NPRL3: variants seen among roughly 807,000 people sequenced by gnomAD.
NPRL3 encodes the protein GATOR1 complex protein NPRL3.
A neutral mutation model predicts 57.2 loss-of-function variants in NPRL3; 23 were observed. That is an observed-to-expected ratio of 0.40 (90% confidence interval 0.29 to 0.57). The LOEUF (loss-of-function observed/expected upper bound fraction) is 0.57. Among genes scored for constraint, NPRL3 ranks in the 20% least tolerant of loss-of-function variants. The pLI is 0.42. For missense variants in NPRL3, 691 were observed against 767.1 expected, an observed-to-expected ratio of 0.90 and a Z score of 1.17; for synonymous variants, 333 against 321.1, an observed-to-expected ratio of 1.04 and a Z score of -0.39.
In NPRL3 at chr16:89,822, G is replaced by C. The variant is rs373335337; in HGVS notation, c.1242C>G (p.Ala414=). The change falls in exon 12 of 14, where the codon GCC becomes GCG. Residue 414 remains alanine, a synonymous_variant. Coordinates refer to ENST00000611875, the MANE Select transcript of NPRL3 (RefSeq NM_001077350.3). ...GACGGGGCTCCTCCTCGCTGGGTGAGGCCATCAGGCAGACATAGGTGTGCA... is the reference window on the plus strand; with the variant it reads ...GACGGGGCTCCTCCTCGCTGGGTGACGCCATCAGGCAGACATAGGTGTGCA... ...IQLHTYVCLM[A]SPSEEEPRPR... The C allele has an allele frequency of 6.3e-7, 1 of 1,588,102 alleles. No homozygotes were observed. Among genetic ancestry groups the C allele is most frequent in the South Asian group, 1.1e-5 (1 of 86,982 alleles).
At position 86,866 on chromosome 16, in the gene NPRL3, G is replaced by A; in HGVS notation, c.1549C>T (p.Leu517Phe). ...TGGTGGCGGCCGCGGAAGTAGTGAA[G>A]GAGCCTGGAAGGGATGGGTGGGTGT... ...PEDLRMFARL[L>F]HYFRGRHHLE... Residue 517 changes from leucine (L) to phenylalanine (F), a missense_variant, in exon 14 of 14, where the codon CTT (leucine) becomes TTT (phenylalanine). Transcript: ENST00000611875. The A allele has an allele frequency of 6.2e-7, 1 of 1,612,832 alleles. No individual in the cohort carries two copies. Among genetic ancestry groups the A allele is most frequent in the Non-Finnish European group, 8.5e-7 (1 of 1,179,552 alleles).
At position 100,394 on chromosome 16, in the gene NPRL3, C is replaced by A. The variant is rs200041907; in HGVS notation, c.745G>T (p.Glu249Ter). The A allele has an allele frequency of 6.4e-7, 1 of 1,562,524 alleles. No homozygotes were observed. The highest frequency in any genetic ancestry group is 1.9e-5 in the Admixed American group (1 of 51,548). ...ASSLIPPEAI[E>*]RSLKAIRPYH... ...TACCGGATGGCTTTCAGGCTCCGTT[C>A]GATGGCCTCTGGGGGGATCAGACTG... Residue 249 changes from glutamate (E) to a stop codon, truncating the protein, a stop_gained, in exon 8 of 14, where the codon GAA becomes TAA. Coordinates refer to ENST00000611875, the MANE Select transcript of NPRL3 (RefSeq NM_001077350.3). LOFTEE classifies it high-confidence loss of function.
chr16:124,179 T>C (rs144561290), intron 3 of NPRL3, among the ~76,000 whole-genome samples: 1 of 152,248 alleles, frequency 6.6e-6, no homozygotes, highest in Non-Finnish European at 1.5e-5. Context: ...CGCTCAACGC[T>C]TACCATGGGG....
In NPRL3 at chr16:92,674, C is replaced by G; in HGVS notation, c.1083G>C (p.Leu361=). 1 of 1,613,870 alleles carries G rather than the reference C, an allele frequency of 6.2e-7. No homozygotes were observed. The highest frequency in any genetic ancestry group is 8.5e-7 in the Non-Finnish European group (1 of 1,179,844). Residue 361 remains leucine (L), a synonymous_variant, in exon 11 of 14, where the codon CTG becomes CTC. Transcript: ENST00000611875. ...QFSHQFPSHD[L]PSVLAKFSLP... is the part of the protein sequence containing the mutation. ...AGGAGAACTTGGCAAGAACGGACGG[C>G]AGGTCATGAGATGGGAACTGGTGGG...
At chr16:109,143 A>AT (rs1410317447) in intron 7 of NPRL3, among the ~76,000 whole-genome samples, 1 of 151,800 alleles carries the variant, frequency 6.6e-6, no homozygotes, top group Non-Finnish European at 1.5e-5. Context: ...TTTTTTAAAA[A>AT]TTTTTTGTAG....
chr16:113,011 G>A (rs1213506139), intron 5 of NPRL3, among the ~76,000 whole-genome samples: 1 of 152,206 alleles, frequency 6.6e-6, no homozygotes, highest in Non-Finnish European at 1.5e-5. Context: ...TCTTGGGAGT[G>A]GCTGCCTGAA....
At position 130,521 on chromosome 16, in the gene NPRL3, C is replaced by T; in HGVS notation, c.188+1G>A. On this transcript the variant is annotated splice_donor_variant, in intron 3 of 13. Coordinates refer to ENST00000611875, the MANE Select transcript of NPRL3 (RefSeq NM_001077350.3). LOFTEE classifies it high-confidence loss of function. ...CCCTGAAGTGGCCGCAGAGCCTTTACCTGGAATCGCCGTCCTGCTCATCAG... is the reference window on the plus strand; with the variant it reads ...CCCTGAAGTGGCCGCAGAGCCTTTATCTGGAATCGCCGTCCTGCTCATCAG... The T allele has an allele frequency of 6.4e-7, 1 of 1,551,044 alleles. No homozygotes were observed. Among genetic ancestry groups the T allele is most frequent in the Non-Finnish European group, 8.7e-7 (1 of 1,147,410 alleles).
intron 3 of NPRL3, among the ~76,000 whole-genome samples, chr16:122,130 T>C (rs1900309644): frequency 6.9e-6 from 1 of 144,082 alleles, no homozygotes; most frequent in Admixed American, 7.0e-5. Flanking sequence ...GGAGTCTTGC[T>C]CTGTCGCCCA....
In NPRL3 at chr16:119,285, T is replaced by A. The variant is rs777790670; in HGVS notation, c.189-30A>T. ...AAATTTAAGAGAGGTAGAATAAAAATAAGTTAACAAAATACCACAGCACCA... is the reference window on the plus strand; with the variant it reads ...AAATTTAAGAGAGGTAGAATAAAAAAAAGTTAACAAAATACCACAGCACCA... On this transcript the variant is annotated intron_variant, in intron 3 of 13. Coordinates refer to ENST00000611875, the MANE Select transcript of NPRL3 (RefSeq NM_001077350.3). The A allele has an allele frequency of 9.5e-6, 15 of 1,578,498 alleles. No homozygotes were observed. In the East Asian group the frequency reaches 3.5e-4, roughly 37 times the overall value.
rs1047382795 is a variant in NPRL3, at chr16:93,329, C to T, written c.925-4G>A. ...GATGAGCTGCAAGCTGGAAAACCTG[C>T]AGGCAAAAGGGAAGCTGCAAGGACC... is the stretch of plus-strand genomic sequence containing the variant. On this transcript the variant is annotated splice_region_variant and splice_polypyrimidine_tract_variant and intron_variant, in intron 9 of 13. Transcript: ENST00000611875. 6.5e-7 allele frequency: 1 copy of T among 1,544,192 alleles called. No homozygotes were observed. The highest frequency in any genetic ancestry group is 2.0e-5 in the Admixed American group (1 of 51,102).
chr16:131,729 G>A (rs1045099248), intron 2 of NPRL3, among the ~76,000 whole-genome samples: 3 of 151,974 alleles, frequency 2.0e-5, no homozygotes, highest in Non-Finnish European at 4.4e-5. Context: ...TGAAGGCTGG[G>A]GTGCTGTAGC....
chr16:94,165 CCA>C (rs1177268980), intron 9 of NPRL3, among the ~76,000 whole-genome samples: 7 of 152,210 alleles, frequency 4.6e-5, no homozygotes, highest in African/African-American at 1.7e-4. Context: ...GCCCCGACTC[CCA>C]CAGAGACCCC....
At chr16:115,474 A>ATCTTGTTT (rs1460877347) in intron 5 of NPRL3, among the ~76,000 whole-genome samples, 1 of 142,672 alleles carries the variant, frequency 7.0e-6, no homozygotes, top group East Asian at 2.0e-4. Context: ...GTCCTAGACT[A>ATCTTGTTT]TCTTGTTTCC....
chr16:121,619 CA>C (rs113477626), intron 3 of NPRL3, among the ~76,000 whole-genome samples: 4 of 143,518 alleles, frequency 2.8e-5, no homozygotes, highest in Non-Finnish European at 3.1e-5. Flanking sequence ...AACTCCGTCT[CA>C]AAAAAAAAAA....
intron 3 of NPRL3, among the ~76,000 whole-genome samples, chr16:126,634 C>T (rs890908507): frequency 1.3e-5 from 2 of 152,006 alleles, no homozygotes; most frequent in Non-Finnish European, 2.9e-5. Context: ...TTCTGAGGGA[C>T]ACCAGGCTAT....
At chr16:129,897 A>G (rs1379334312) in intron 3 of NPRL3, among the ~76,000 whole-genome samples, 1 of 152,150 alleles carries the variant, frequency 6.6e-6, no homozygotes, top group East Asian at 1.9e-4. Flanking sequence ...ACCTGGGCCT[A>G]TGTTACCATT....
intron 6 of NPRL3, among the ~76,000 whole-genome samples, chr16:110,978 TTC>T (rs1178547782): frequency 6.6e-5 from 10 of 152,182 alleles, no homozygotes; most frequent in South Asian, 2.1e-4. Flanking sequence ...AAAATAAAAT[TTC>T]TTTTTACTTC....
rs1188792699 is a variant in NPRL3 at position 110,601 on chromosome 16, C to G, written c.553G>C (p.Glu185Gln). The change falls in exon 7 of 14, where the codon GAA becomes CAA. Residue 185 changes from glutamate to glutamine, a missense_variant. Glu to Gln is a conservative substitution (Grantham distance 29). Coordinates refer to ENST00000611875, the MANE Select transcript of NPRL3 (RefSeq NM_001077350.3). ...TGATGGAATGGGGACTGAGGACCTT[C>G]ATTTCCTACAAGAATCACAACACAA... ...DEVSAMADGN[E>Q]GPQSPFHHIL... The G allele has an allele frequency of 1.9e-6, 3 of 1,607,734 alleles. No individual in the cohort carries two copies. Among genetic ancestry groups the G allele is most frequent in the Non-Finnish European group, 2.5e-6 (3 of 1,176,914 alleles).
Position 106,750 on chromosome 16 carries a change from C to G in NPRL3, c.629+3775G>C, listed in dbSNP as rs146897129. On this transcript the variant is annotated intron_variant, in intron 7 of 13. Coordinates refer to ENST00000611875, the MANE Select transcript of NPRL3 (RefSeq NM_001077350.3). ...GGTCTTTCAGTTCTGTTCTGAGATT[C>G]CCCCAGATCTGGCAGTCAGTCACCA... is the stretch of plus-strand genomic sequence containing the variant. Among the ~76,000 whole-genome samples, 6 of 152,074 alleles carry G rather than the reference C, an allele frequency of 3.9e-5. No homozygotes were observed. The East Asian group carries it at 1.2e-3, about 29-fold the overall frequency.
Sources: allele counts gnomAD v4.1 joint callset (sites outside exome capture counted in the v4.1 genomes callset), GRCh38; gene constraint gnomAD v4.1.1; transcripts MANE v1.5; gene names NCBI Gene and HGNC (gene_info 2026-07-23, HGNC 2026-07-21).